The following RBL2 variants were observed in gnomAD, a reference collection of about 807,000 sequenced individuals.
RBL2 encodes retinoblastoma-like protein 2.
RBL2 carries 56 observed loss-of-function variants against 126.0 expected under a neutral mutation model. The ratio of observed to expected loss-of-function variants is 0.44; its 90% confidence interval spans 0.36 to 0.56. The LOEUF (loss-of-function observed/expected upper bound fraction) is 0.56. RBL2 is among the 20% of genes least tolerant of loss of function. The pLI, the probability that RBL2 is intolerant of heterozygous loss-of-function variation, is 0.00. For missense variants in RBL2, 1,229 were observed against 1,398.2 expected, an observed-to-expected ratio of 0.88 and a Z score of 1.93; for synonymous variants, 454 against 478.5, an observed-to-expected ratio of 0.95 and a Z score of 0.67.
At chr16:53,471,954 C>T (rs958364985) in intron 17 of RBL2, among the ~76,000 whole-genome samples, 1 of 152,200 alleles carries the variant, frequency 6.6e-6, no homozygotes, top group South Asian at 2.1e-4. Flanking sequence ...TGGCAACCAG[C>T]AGTTGGCATT....
chr16:53,469,842 CATA>C, intron 14 of RBL2, 71 bp from the exon 15 acceptor site: 1 of 1,434,772 alleles, frequency 7.0e-7, no homozygotes, highest in East Asian at 2.3e-5. Flanking sequence ...TATTTTTTAA[CATA>C]AGAGCTTGGA....
rs2058135720 is a variant in RBL2 at position 53,453,492 on chromosome 16, C to T, written c.807C>T (p.Ser269=). 2 of 1,613,356 alleles carry T rather than the reference C, an allele frequency of 1.2e-6. No homozygotes were observed. The highest frequency in any genetic ancestry group is 1.7e-6 in the Non-Finnish European group (2 of 1,179,480). The part of the protein sequence containing the change: ...EDFHAKDSKP[S]SDPPCIIEKL... ...TTCATGCTAAAGATTCTAAACCTTC[C>T]TCTGACCCCCCTTGTATCATTGAGA... The change falls in exon 6 of 22, where the codon TCC becomes TCT. Residue 269 remains serine (S), a synonymous_variant. Transcript: ENST00000262133.
chr16:53,473,192 G>A (rs1960589342), intron 17 of RBL2, among the ~76,000 whole-genome samples: 1 of 151,960 alleles, frequency 6.6e-6, no homozygotes, highest in Admixed American at 6.6e-5. Flanking sequence ...CTTGAAAAAT[G>A]AATTTTAGAA....
At chr16:53,482,215 T>G (rs1346659383) in intron 21 of RBL2, among the ~76,000 whole-genome samples, 3 of 152,244 alleles carry the variant, frequency 2.0e-5, no homozygotes, top group Admixed American at 6.5e-5. Context: ...CTCAGGACTC[T>G]GGCTAATGGG....
At chr16:53,448,281 C>T (rs2058082818) in intron 4 of RBL2, among the ~76,000 whole-genome samples, 2 of 151,376 alleles carry the variant, frequency 1.3e-5, no homozygotes, top group Admixed American at 6.6e-5. Flanking sequence ...CTCAGCCTCC[C>T]GAGTAGCTGG....
rs17800727 is a variant in RBL2, at chr16:53,447,098, A to T, written c.629A>T (p.Tyr210Phe). 6 of 1,534,964 alleles carry T rather than the reference A, an allele frequency of 3.9e-6. No individual in the cohort carries two copies. The Admixed American group carries it at 1.1e-4, about 27-fold the overall frequency. ...CATTTTTGTTGGGTGCTTTTTATAT[A>T]TGCAAAAGGTAAGAAAATAGTAATA... Reference protein sequence around the residue: ...IFHFCWVLFIYAKGNFPMISD... With the variant: ...IFHFCWVLFIFAKGNFPMISD... The change falls in exon 4 of 22, where the codon TAT becomes TTT. Residue 210 changes from tyrosine (Y) to phenylalanine (F), a missense_variant. By Grantham distance (22) the Tyr-to-Phe change is conservative. Coordinates refer to ENST00000262133, the MANE Select transcript of RBL2 (RefSeq NM_005611.4).
At chr16:53,461,901 G>T (rs746323625) in intron 10 of RBL2, 51 bp downstream of exon 10, 24 of 1,459,120 alleles carry the variant, frequency 1.6e-5, no homozygotes, top group Non-Finnish European at 2.2e-5. Flanking sequence ...TTAACTAAAT[G>T]GAGTCATTTC....
chr16:53,470,003 G>A lies in RBL2; in HGVS notation c.2063G>A (p.Ser688Asn). 6.2e-7 allele frequency: 1 copy of A among 1,614,176 alleles called. No homozygotes were observed. Among genetic ancestry groups the A allele is most frequent in the Non-Finnish European group, 8.5e-7 (1 of 1,180,008 alleles). Residue 688 changes from serine (S) to asparagine (N), a missense_variant, in exon 15 of 22, where the codon AGC becomes AAC. Around this residue, in one of 2 missense-constraint regions of RBL2, gnomAD observed 1,070 missense variants for 1,274.3 expected, o/e 0.84. Coordinates refer to ENST00000262133, the MANE Select transcript of RBL2 (RefSeq NM_005611.4). The stretch of plus-strand genomic sequence containing the variant: ...AGGCGGCTATTTGTTGAGAATGATA[G>A]CCCCTCTGATGGAGGGACGCCTGGG... ...TRRRLFVEND[S>N]PSDGGTPGRM...
chr16:53,487,268 C>G (rs140762807), intron 21 of RBL2, among the ~76,000 whole-genome samples: 2 of 152,164 alleles, frequency 1.3e-5, no homozygotes, highest in Non-Finnish European at 2.9e-5. Context: ...AGGATTCACA[C>G]TAATTATGAA....
At chr16:53,483,871 C>T (rs1206869738) in intron 21 of RBL2, among the ~76,000 whole-genome samples, 2 of 151,114 alleles carry the variant, frequency 1.3e-5, no homozygotes, top group African/African-American at 2.4e-5. Context: ...GAGCAAGACT[C>T]CGTCTCCAAA....
intron 14 of RBL2, among the ~76,000 whole-genome samples, chr16:53,467,907 A>G (rs1023885952): frequency 2.0e-5 from 3 of 152,222 alleles, no homozygotes; most frequent in African/African-American, 7.2e-5. Context: ...AGTTAGGTAT[A>G]GACAAGCCAG....
intron 4 of RBL2, 82 bp from the exon 5 acceptor site, chr16:53,451,621 A>C: frequency 6.8e-7 from 1 of 1,473,190 alleles, no homozygotes; most frequent in Non-Finnish European, 9.3e-7. Context: ...TTGTAATGTC[A>C]TAATAAGTAA....
At chr16:53,472,634 A>G (rs979425985) in intron 17 of RBL2, among the ~76,000 whole-genome samples, 2 of 152,116 alleles carry the variant, frequency 1.3e-5, no homozygotes, top group East Asian at 1.9e-4. Context: ...TTTGGATACA[A>G]CTACCTTCTC....
chr16:53,456,782 C>T (rs1332818847), intron 8 of RBL2, among the ~76,000 whole-genome samples: 2 of 152,218 alleles, frequency 1.3e-5, no homozygotes, highest in African/African-American at 4.8e-5. Flanking sequence ...GCTTCCTTCT[C>T]ACTTCATTCT....
At chr16:53,461,229 A>G (rs1198539917) in intron 9 of RBL2, among the ~76,000 whole-genome samples, 1 of 152,210 alleles carries the variant, frequency 6.6e-6, no homozygotes, top group East Asian at 1.9e-4. Context: ...GAAGTGGCTC[A>G]TTCCTGTAAT....
chr16:53,466,788 G>T (rs943501774), intron 13 of RBL2: 2 of 304,926 alleles, frequency 6.6e-6, no homozygotes, highest in Non-Finnish European at 1.2e-5. Context: ...TGGCCCAGGG[G>T]TTGGGGACTC....
At chr16:53,490,028 C>A in intron 21 of RBL2, 102 bp from the exon 22 acceptor site, 1 of 897,304 alleles carries the variant, frequency 1.1e-6, no homozygotes, top group Non-Finnish European at 1.5e-6. Flanking sequence ...TGTGTTCAAA[C>A]TCTTCCAGGG....
At chr16:53,467,277 C>A in intron 14 of RBL2, 108 bp downstream of exon 14, 1 of 888,950 alleles carries the variant, frequency 1.1e-6, no homozygotes, top group Non-Finnish European at 1.7e-6. Context: ...AGAAAATATT[C>A]TATGCATTTT....
intron 3 of RBL2, 84 bp from the exon 4 acceptor site, chr16:53,446,958 T>G: frequency 1.3e-6 from 1 of 793,950 alleles, no homozygotes; most frequent in Non-Finnish European, 1.9e-6. Flanking sequence ...GTGGGTTTTA[T>G]TTTACACCTG....
Sources: allele counts gnomAD v4.1 joint callset (sites outside exome capture counted in the v4.1 genomes callset), GRCh38; gene constraint gnomAD v4.1.1; regional missense constraint gnomAD v4.1.1; transcripts MANE v1.5; gene names NCBI Gene and HGNC (gene_info 2026-07-23, HGNC 2026-07-21).